Variants in STK38 observed in about 807,000 individuals in gnomAD.
STK38 encodes serine/threonine kinase 38.
In STK38, 26 loss-of-function variants were observed where a neutral mutation model predicts 59.0. That is an observed-to-expected ratio of 0.44 (90% CI 0.32 to 0.61). The LOEUF (loss-of-function observed/expected upper bound fraction) is 0.61, where lower values mean the gene tolerates loss of function less well. Among genes scored for constraint, STK38 ranks in the 20% least tolerant of loss-of-function variants. The pLI is 0.04. For synonymous variants in STK38, 175 were observed against 176.6 expected, an observed-to-expected ratio of 0.99 and a Z score of 0.07; for missense variants, 433 against 566.0, an observed-to-expected ratio of 0.76 and a Z score of 2.38.
At chr6:36,506,487 G>T in intron 9 of STK38, 96 bp downstream of exon 9, 1 of 1,285,980 alleles carries the variant, frequency 7.8e-7, no homozygotes, top group Non-Finnish European at 1.1e-6. Context: ...CAAGGGATAT[G>T]TTGCAAATAT....
rs769075212 is a variant in STK38, at chr6:36,495,700, T to C, written c.*84A>G. On this transcript the variant is annotated 3_prime_UTR_variant, in exon 14 of 14. Transcript: ENST00000229812. ...CATATTGGTGGGTTCCATCAACTTCTTGGAAGCTCTTCAAGAGTGTGAGAG... is the reference window on the plus strand; with the variant it reads ...CATATTGGTGGGTTCCATCAACTTCCTGGAAGCTCTTCAAGAGTGTGAGAG... 4.5e-6 allele frequency: 7 copies of C among 1,571,430 alleles called. No individual in the cohort carries two copies. The highest frequency in any genetic ancestry group is 6.1e-6 in the Non-Finnish European group (7 of 1,152,456).
chr6:36,522,212 C>T (rs1451959679), intron 4 of STK38: 1 of 160,436 alleles, frequency 6.2e-6, no homozygotes, highest in African/African-American at 2.4e-5. Flanking sequence ...TGGTGTATAC[C>T]TGTAGTCCCA....
intron 7 of STK38, among the ~76,000 whole-genome samples, 194 bp from the exon 8 acceptor site, chr6:36,507,796 T>A (rs569309779): frequency 6.6e-6 from 1 of 152,320 alleles, no homozygotes; most frequent in Non-Finnish European, 1.5e-5. Context: ...TAAAACTATT[T>A]TCATTTCTGC....
At chr6:36,509,400 A>C (rs552840757) in intron 7 of STK38, among the ~76,000 whole-genome samples, 19 of 152,276 alleles carry the variant, frequency 1.2e-4, no homozygotes, top group Non-Finnish European at 2.4e-4. Context: ...TTGTAGAAAG[A>C]AGCAAACCTT....
rs1443524500 is a variant in STK38 at position 36,521,820 on chromosome 6, A to T, written c.307-3T>A. ...TCTTTCTTCTGAACAAGCCGTACCT[A>T]AAAAGTTATAAAAGAAATGCCAAGT... On this transcript the variant is annotated splice_region_variant and splice_polypyrimidine_tract_variant and intron_variant, in intron 4 of 13. Transcript: ENST00000229812. The T allele has an allele frequency of 6.2e-7, 1 of 1,607,380 alleles. No homozygotes were observed. Among genetic ancestry groups the T allele is most frequent in the African/African-American group, 1.3e-5 (1 of 74,770 alleles).
chr6:36,531,417 C>G (rs60595353), intron 2 of STK38, among the ~76,000 whole-genome samples: 1 of 152,204 alleles, frequency 6.6e-6, no homozygotes, highest in South Asian at 2.1e-4. Flanking sequence ...ATGCCGGTTT[C>G]TTCAGATTTG....
chr6:36,537,877 CAACAA>C (rs1408494979), intron 2 of STK38, among the ~76,000 whole-genome samples: 1 of 150,696 alleles, frequency 6.6e-6, no homozygotes, highest in Non-Finnish European at 1.5e-5. Flanking sequence ...CCAGCCTGGG[CAACAA>C]AACAACACCC....
rs757924948 is a variant in STK38, at chr6:36,540,097, C to T, written c.106G>A (p.Ala36Thr). Residue 36 changes from alanine (A) to threonine (T), a missense_variant, in exon 2 of 14, where the codon GCT (alanine) becomes ACT (threonine). By Grantham distance (58) the Ala-to-Thr change is moderately conservative. Around this residue, in one of 3 missense-constraint regions of STK38, gnomAD observed 293 missense variants for 388.2 expected, o/e 0.75. Coordinates refer to ENST00000229812, the MANE Select transcript of STK38 (RefSeq NM_007271.4). ...CTCATTTCTCGTTCTTCATGTTGAG[C>T]GATAAGGTTGCTATAAAAATTCTCC... ...TLENFYSNLIAQHEEREMRQK... is the reference protein window; with the variant it reads ...TLENFYSNLITQHEEREMRQK... 2.5e-5 allele frequency: 41 copies of T among 1,613,832 alleles called. No homozygotes were observed. The highest frequency in any genetic ancestry group is 1.5e-4 in the African/African-American group (11 of 74,890).
intron 2 of STK38, among the ~76,000 whole-genome samples, chr6:36,537,627 G>A (rs1777824346): frequency 6.6e-6 from 1 of 152,198 alleles, no homozygotes; most frequent in African/African-American, 2.4e-5. Flanking sequence ...GCCAGGTGTG[G>A]TGGCTCACAC....
chr6:36,538,282 C>T (rs1460431659), intron 2 of STK38, among the ~76,000 whole-genome samples: 1 of 147,570 alleles, frequency 6.8e-6, no homozygotes, highest in African/African-American at 2.5e-5. Context: ...CCAGCCTGGG[C>T]AACAGAGTGA....
At chr6:36,513,595 C>G (rs1361717440) in intron 7 of STK38, among the ~76,000 whole-genome samples, 1 of 151,876 alleles carries the variant, frequency 6.6e-6, no homozygotes, top group African/African-American at 2.4e-5. Flanking sequence ...TTATTACAGG[C>G]GTAAGCCACC....
At chr6:36,498,736 C>T (rs1378720824) in intron 10 of STK38, among the ~76,000 whole-genome samples, 1 of 151,818 alleles carries the variant, frequency 6.6e-6, no homozygotes, top group East Asian at 1.9e-4. Context: ...TACAGAAGAG[C>T]ACCACCACAC....
At chr6:36,495,971 C>A in intron 13 of STK38, 57 bp from the exon 14 acceptor site, 1 of 1,603,354 alleles carries the variant, frequency 6.2e-7, no homozygotes, top group Non-Finnish European at 8.5e-7. Flanking sequence ...ATGGACTGCT[C>A]ACGGTGCTGA....
In STK38 at chr6:36,498,050, C is replaced by T. The variant is rs1435405487; in HGVS notation, c.1077-175G>A. ...AACTTCCTGGGCTCAAGGGATCCTCCCATCTCAGCCTCCCAAGTGGCTGGG... is the reference window on the plus strand; with the variant it reads ...AACTTCCTGGGCTCAAGGGATCCTCTCATCTCAGCCTCCCAAGTGGCTGGG... On this transcript the variant is annotated intron_variant, in intron 11 of 13. Transcript: ENST00000229812. Among the ~76,000 whole-genome samples the T allele has an allele frequency of 2.0e-5, 3 of 151,896 alleles. No individual in the cohort carries two copies. The East Asian group carries it at 5.8e-4, about 29-fold the overall frequency.
intron 2 of STK38, among the ~76,000 whole-genome samples, chr6:36,535,002 A>G (rs921558986): frequency 6.6e-6 from 1 of 152,220 alleles, no homozygotes; most frequent in Non-Finnish European, 1.5e-5. Context: ...AAATTCAGTT[A>G]TATGTCTATA....
intron 2 of STK38, among the ~76,000 whole-genome samples, chr6:36,536,492 C>G (rs996678467): frequency 6.6e-6 from 1 of 152,148 alleles, no homozygotes; most frequent in East Asian, 1.9e-4. Flanking sequence ...CATAGCAAGA[C>G]CTTGACTCTA....
intron 1 of STK38, 44 bp from the exon 2 acceptor site, chr6:36,540,251 T>G: frequency 6.2e-7 from 1 of 1,608,028 alleles, no homozygotes; most frequent in Non-Finnish European, 8.5e-7. Flanking sequence ...GGAGTTAGAA[T>G]CCACCCAGTG....
chr6:36,497,477 G>A (rs1776732045), intron 12 of STK38, among the ~76,000 whole-genome samples: 1 of 152,186 alleles, frequency 6.6e-6, no homozygotes, highest in Non-Finnish European at 1.5e-5. Flanking sequence ...CCCGCTGGCG[G>A]GACCTAAGAG....
intron 7 of STK38, among the ~76,000 whole-genome samples, chr6:36,512,017 T>C (rs1777122955): frequency 6.6e-6 from 1 of 152,042 alleles, no homozygotes; most frequent in Non-Finnish European, 1.5e-5. Context: ...CAAGATCACA[T>C]CACTGCACTC....
Sources: allele counts gnomAD v4.1 joint callset (sites outside exome capture counted in the v4.1 genomes callset), GRCh38; gene constraint gnomAD v4.1.1; regional missense constraint gnomAD v4.1.1; transcripts MANE v1.5; gene names NCBI Gene and HGNC (gene_info 2026-07-23, HGNC 2026-07-21).